LSR: variants seen among roughly 807,000 people sequenced by gnomAD.
LSR encodes the protein lipolysis-stimulated lipoprotein receptor.
Under a neutral mutation model 61.8 loss-of-function variants are expected in LSR, and 44 were observed. The ratio of observed to expected loss-of-function variants is 0.71; its 90% CI spans 0.56 to 0.91. The LOEUF is 0.91. LSR is among the 40% of genes least tolerant of loss of function. The pLI is 0.00. For missense variants in LSR, 911 were observed against 830.5 expected (o/e 1.10, Z -1.19); for synonymous variants, 397 against 350.6 (o/e 1.13, Z -1.48).
intron 1 of LSR, 29 bp downstream of exon 1, chr19:35,249,160 G>A (rs2065756993): frequency 6.6e-7 from 1 of 1,516,346 alleles, no homozygotes; most frequent in Non-Finnish European, 8.8e-7. Context: ...CTGACGCTGC[G>A]GAACGCCGGA....
At chr19:35,250,082 G>GT (rs2065770619) in intron 1 of LSR, among the ~76,000 whole-genome samples, 1 of 152,130 alleles carries the variant, frequency 6.6e-6, no homozygotes, top group Admixed American at 6.5e-5. Context: ...TGGCGGGCGA[G>GT]TCCAAGGAAA....
At position 35,262,689 on chromosome 19, in the gene LSR, G is replaced by GC; in HGVS notation, c.778dup (p.Leu260ProfsTer54). The stretch of plus-strand genomic sequence containing the variant: ...CCCAGACAAGTGCTGCTGCCCCGAG[G>GC]CCCGTAAGTGTCCCGCTCATGGCCA... On this transcript the variant is annotated frameshift_variant, in exon 5 of 10. Transcript: ENST00000605618. LOFTEE classifies it high-confidence loss of function. 1.9e-6 allele frequency: 3 copies of GC among 1,613,292 alleles called. No homozygotes were observed. Among genetic ancestry groups the GC allele is most frequent in the Non-Finnish European group, 2.5e-6 (3 of 1,179,766 alleles).
rs752655715 is a variant in LSR, at chr19:35,267,270, T to TGGCGGGCCA, written c.1312_1320dup (p.Ala438_Arg440dup). 5 of 1,520,638 alleles carry TGGCGGGCCA rather than the reference T, an allele frequency of 3.3e-6. No homozygotes were observed. Among genetic ancestry groups the TGGCGGGCCA allele is most frequent in the South Asian group, 2.5e-5 (2 of 78,888 alleles). The allele number at this position is 1,520,638 out of a possible 1,614,324, so 94.2% of individuals were successfully genotyped here. On this transcript the variant is annotated inframe_insertion, in exon 9 of 10. Coordinates refer to ENST00000605618, the MANE Select transcript of LSR (RefSeq NM_205834.4). The stretch of plus-strand genomic sequence containing the variant: ...CGCCAGGGAGCAGGCAGGCGGGGGC[T>TGGCGGGCCA]GGCGGGCCAGGCGGCCCCGGGCCCG...
intron 5 of LSR, among the ~76,000 whole-genome samples, chr19:35,265,765 C>T (rs1222672218): frequency 6.6e-6 from 1 of 152,082 alleles, no homozygotes; most frequent in African/African-American, 2.4e-5. Flanking sequence ...CCGGGGCAGG[C>T]AAGTTAATTC....
chr19:35,258,447 G>A (rs896871279), intron 2 of LSR, among the ~76,000 whole-genome samples: 4 of 129,084 alleles, frequency 3.1e-5, no homozygotes, highest in South Asian at 2.6e-4. Flanking sequence ...GTGAAACTCC[G>A]ATTCAAACAA....
intron 3 of LSR, among the ~76,000 whole-genome samples, chr19:35,261,278 C>T (rs2065924864): frequency 6.6e-6 from 1 of 152,060 alleles, no homozygotes; most frequent in African/African-American, 2.4e-5. Flanking sequence ...GGTATTTTTG[C>T]CTTCATGGGT....
intron 8 of LSR, 64 bp from the exon 9 acceptor site, chr19:35,267,045 C>A: frequency 6.4e-7 from 1 of 1,550,738 alleles, no homozygotes; most frequent in Non-Finnish European, 8.7e-7. Context: ...GCCGCAGGGA[C>A]TCTTGGTGCA....
chr19:35,265,499 T>TA (rs2065985242), intron 5 of LSR, among the ~76,000 whole-genome samples: 2 of 152,192 alleles, frequency 1.3e-5, no homozygotes, highest in South Asian at 2.1e-4. Flanking sequence ...GCTGTGCACT[T>TA]AGTCTTCTGC....
In LSR at chr19:35,267,210, T is replaced by TC. The variant is rs753494355; in HGVS notation, c.1252dup (p.Arg418ProfsTer51). On this transcript the variant is annotated frameshift_variant, in exon 9 of 10. Coordinates refer to ENST00000605618, the MANE Select transcript of LSR (RefSeq NM_205834.4). LOFTEE classifies it high-confidence loss of function. ...CCGGGATGAGGAGTGGGGTGGCCACTCCCCCCGGAGTCCCAGGGGATGGGA... is the reference window on the plus strand; with the variant it reads ...CCGGGATGAGGAGTGGGGTGGCCACTCCCCCCCGGAGTCCCAGGGGATGGGA... The TC allele has an allele frequency of 3.0e-5, 45 of 1,518,982 alleles. No homozygotes were observed. The East Asian group carries it at 8.9e-4, about 30-fold the overall frequency. 94.1% of individuals were successfully genotyped at this position (1,518,982 alleles called of 1,614,324 possible).
At chr19:35,254,221 G>T (rs2065829648) in intron 2 of LSR, among the ~76,000 whole-genome samples, 2 of 152,134 alleles carry the variant, frequency 1.3e-5, no homozygotes, top group African/African-American at 4.8e-5. Flanking sequence ...AGCCTCCTGA[G>T]TAGCTGGGAT....
At position 35,267,857 on chromosome 19, in the gene LSR, T is replaced by A. The variant is rs772010068; in HGVS notation, c.1804T>A (p.Ter602ArgextTer15). The stretch of plus-strand genomic sequence containing the variant: ...CCTGAGTCGGGAAAGTTTAGTCGTC[T>A]GATCTGACGTTTTCTACGTAGCTTT... Reference protein sequence around the residue: ...LALSRESLVV* With the variant: ...LALSRESLVVR Residue 602 changes from the stop codon to arginine, a stop_lost, in exon 10 of 10, where the codon TGA (stop) becomes AGA (arginine). Coordinates refer to ENST00000605618, the MANE Select transcript of LSR (RefSeq NM_205834.4). 6.2e-7 allele frequency: 1 copy of A among 1,613,952 alleles called. No homozygotes were observed. The highest frequency in any genetic ancestry group is 8.5e-7 in the Non-Finnish European group (1 of 1,179,922).
intron 2 of LSR, among the ~76,000 whole-genome samples, chr19:35,256,233 CA>C (rs201712887): frequency 0.17 from 17,625 of 102,550 alleles, 1,122 homozygotes; most frequent in Middle Eastern, 0.34. Context: ...GACTCCATCT[CA>C]AAAAAAAAAA....
At chr19:35,262,183 C>G (rs2065938423) in intron 4 of LSR, among the ~76,000 whole-genome samples, 2 of 152,206 alleles carry the variant, frequency 1.3e-5, no homozygotes, top group Non-Finnish European at 2.9e-5. Context: ...GCCTGGGGTG[C>G]AGGCCAGGGC....
At chr19:35,259,375 C>A in intron 3 of LSR, 2 of 236,036 alleles carry the variant, frequency 8.5e-6, no homozygotes, top group Non-Finnish European at 1.7e-5. Context: ...TGCGGTAGTT[C>A]ATGCCTGTAA....
intron 2 of LSR, among the ~76,000 whole-genome samples, chr19:35,252,056 G>A (rs1223695015): frequency 6.6e-6 from 1 of 150,890 alleles, no homozygotes; most frequent in Non-Finnish European, 1.5e-5. Flanking sequence ...GGATGGTCTC[G>A]ATCTCCTGAC....
At chr19:35,265,738 G>C (rs1439512840) in intron 5 of LSR, among the ~76,000 whole-genome samples, 1 of 152,210 alleles carries the variant, frequency 6.6e-6, no homozygotes, top group Non-Finnish European at 1.5e-5. Context: ...CACTAGAGGA[G>C]ACACTTTGCT....
intron 3 of LSR, among the ~76,000 whole-genome samples, chr19:35,261,218 G>A (rs2065924126): frequency 6.6e-6 from 1 of 152,172 alleles, no homozygotes; most frequent in Non-Finnish European, 1.5e-5. Context: ...GAGTAGAGAT[G>A]GAGACCTTGT....
Position 35,250,391 on chromosome 19 carries a change from C to T in LSR, c.186C>T (p.Pro62=), listed in dbSNP as rs771067239. The T allele has an allele frequency of 6.2e-7, 1 of 1,612,286 alleles. No individual in the cohort carries two copies. Among genetic ancestry groups the T allele is most frequent in the South Asian group, 1.1e-5 (1 of 90,754 alleles). Residue 62 remains proline (P), a synonymous_variant, in exon 2 of 10, where the codon CCC becomes CCT. Transcript: ENST00000605618. The part of the protein sequence containing the change: ...VVILFQPVTL[P]CTYQMTSTPT... ...TCCTCTTCCAGCCTGTGACCCTGCC[C>T]TGTACCTACCAGATGACCTCGACCC...
intron 3 of LSR, 68 bp downstream of exon 3, chr19:35,259,132 C>T (rs2065893185): frequency 1.3e-6 from 2 of 1,556,054 alleles, no homozygotes; most frequent in African/African-American, 1.4e-5. Context: ...TCTGCCCTCC[C>T]CTGTGTCCGC....
Sources: gnomAD v4.1 joint callset for allele counts (sites outside exome capture counted in the v4.1 genomes callset) on GRCh38, gnomAD v4.1.1 for gene constraint, MANE v1.5 for transcripts, NCBI Gene and HGNC (gene_info 2026-07-23, HGNC 2026-07-21) for gene names.